The following MACROD2 variants were observed in gnomAD, a reference collection of about 807,000 sequenced individuals.
MACROD2 encodes the protein mono-ADP ribosylhydrolase 2, also known as ADP-ribose glycohydrolase MACROD2.
Under a neutral mutation model 70.4 loss-of-function variants are expected in MACROD2, and 36 were observed. The ratio of observed to expected loss-of-function variants is 0.51; its 90% CI spans 0.39 to 0.68. MACROD2 has a LOEUF of 0.68. MACROD2 is among the 30% of genes least tolerant of loss of function. The pLI is 0.00. For missense variants in MACROD2, 496 were observed against 538.4 expected (o/e 0.92, Z 0.78); for synonymous variants, 172 against 178.8 (o/e 0.96, Z 0.30).
intron 5 of MACROD2, among the ~76,000 whole-genome samples, chr20:14,786,112 A>G (rs1258730775): frequency 6.6e-6 from 1 of 151,926 alleles, no homozygotes; most frequent in African/African-American, 2.4e-5. Context: ...TTGGGTTGCA[A>G]AAGAGTAGTG....
chr20:14,725,764 A>T (rs1229413298), intron 5 of MACROD2, among the ~76,000 whole-genome samples: 4 of 152,162 alleles, frequency 2.6e-5, no homozygotes, highest in African/African-American at 9.7e-5. Flanking sequence ...GAGGGTGAGG[A>T]CATAGATGTA....
At chr20:15,271,117 G>A (rs1412339371) in intron 6 of MACROD2, among the ~76,000 whole-genome samples, 1 of 152,166 alleles carries the variant, frequency 6.6e-6, no homozygotes, top group Non-Finnish European at 1.5e-5. Flanking sequence ...TGCTGTAACA[G>A]AATACCATAA....
In MACROD2 at chr20:15,967,626, C is replaced by T. The variant is rs766188326; in HGVS notation, c.981C>T (p.Pro327=). The T allele has an allele frequency of 4.6e-5, 74 of 1,591,934 alleles. No individual in the cohort carries two copies. Among genetic ancestry groups the T allele is most frequent in the African/African-American group, 1.4e-4 (10 of 72,968 alleles). Residue 327 remains proline (P), a synonymous_variant, in exon 13 of 18, where the codon CCC becomes CCT. Transcript: ENST00000684519. ...TDHSVRDQDH[P]DGQENDSTKN... Reference sequence around the variant, plus strand: ...ATTCTGTGCGTGACCAAGATCATCCCGATGGTAGGTTGTGAAATCCTTTAT... The same window carrying T: ...ATTCTGTGCGTGACCAAGATCATCCTGATGGTAGGTTGTGAAATCCTTTAT...
intron 3 of MACROD2, among the ~76,000 whole-genome samples, chr20:14,475,226 A>G (rs1422198960): frequency 6.6e-6 from 1 of 152,156 alleles, no homozygotes; most frequent in Non-Finnish European, 1.5e-5. Context: ...AAAGAAAAGA[A>G]TCACACAAAA....
intron 3 of MACROD2, among the ~76,000 whole-genome samples, chr20:14,318,343 G>C (rs745868555): frequency 6.6e-6 from 1 of 152,128 alleles, no homozygotes; most frequent in African/African-American, 2.4e-5. Flanking sequence ...GTGGCTGCAT[G>C]CTTCCTTTTG....
At chr20:14,977,070 A>T (rs1042074393) in intron 5 of MACROD2, among the ~76,000 whole-genome samples, 1 of 152,146 alleles carries the variant, frequency 6.6e-6, no homozygotes, top group African/African-American at 2.4e-5. Context: ...GAAAATGCAA[A>T]AACAGGGTTT....
At chr20:15,324,057 T>C (rs942911017) in intron 6 of MACROD2, among the ~76,000 whole-genome samples, 1 of 152,176 alleles carries the variant, frequency 6.6e-6, no homozygotes. Context: ...CAATGAATTG[T>C]ACCAATGCTC....
Position 14,002,268 on chromosome 20 carries a change from T to G in MACROD2, c.47-20T>G. On this transcript the variant is annotated intron_variant, in intron 1 of 17. Transcript: ENST00000684519. ...TTTAAACGTTAAATACAAATGGAGA[T>G]TCTGCTTTTATTTTGCAAGAACGTT... is the stretch of plus-strand genomic sequence containing the variant. The G allele has an allele frequency of 6.9e-7, 1 of 1,456,744 alleles. No individual in the cohort carries two copies. Among genetic ancestry groups the G allele is most frequent in the Non-Finnish European group, 9.5e-7 (1 of 1,057,768 alleles). 90.2% of individuals were successfully genotyped at this position (1,456,744 alleles called of 1,614,324 possible).
intron 5 of MACROD2, among the ~76,000 whole-genome samples, chr20:15,210,674 G>C (rs2076755589): frequency 6.6e-6 from 1 of 151,152 alleles, no homozygotes; most frequent in East Asian, 1.9e-4. Context: ...GGTGAGAGCT[G>C]TTTAGATCAT....
At chr20:14,593,711 C>T (rs774179887) in intron 4 of MACROD2, among the ~76,000 whole-genome samples, 2 of 152,114 alleles carry the variant, frequency 1.3e-5, no homozygotes, top group Non-Finnish European at 2.9e-5. Context: ...ACTACTTCTA[C>T]TAATATTAAC....
At chr20:15,716,755 C>T (rs1052978666) in intron 8 of MACROD2, among the ~76,000 whole-genome samples, 3 of 152,076 alleles carry the variant, frequency 2.0e-5, no homozygotes, top group Non-Finnish European at 4.4e-5. Context: ...TTCTGAGCAC[C>T]ACTTTTGGAG....
intron 5 of MACROD2, among the ~76,000 whole-genome samples, chr20:14,722,606 T>C (rs2071482855): frequency 6.6e-6 from 1 of 152,210 alleles, no homozygotes; most frequent in Non-Finnish European, 1.5e-5. Flanking sequence ...AATTCTATAA[T>C]CATTATTTGC....
chr20:14,784,132 G>T (rs144340107), intron 5 of MACROD2, among the ~76,000 whole-genome samples: 3 of 152,098 alleles, frequency 2.0e-5, no homozygotes, highest in Non-Finnish European at 4.4e-5. Context: ...ATCACATTGC[G>T]TAGACTGGAT....
intron 8 of MACROD2, among the ~76,000 whole-genome samples, chr20:15,504,551 A>T (rs1264958953): frequency 2.6e-5 from 4 of 152,200 alleles, no homozygotes; most frequent in Non-Finnish European, 5.9e-5. Context: ...CTCACAACAC[A>T]GAAGAGAAAT....
intron 8 of MACROD2, among the ~76,000 whole-genome samples, chr20:15,561,224 T>A (rs890455313): frequency 6.6e-6 from 1 of 152,258 alleles, no homozygotes; most frequent in Non-Finnish European, 1.5e-5. Context: ...AAATTGGGCT[T>A]GCTGTCATTA....
intron 8 of MACROD2, among the ~76,000 whole-genome samples, chr20:15,573,578 ACTC>A (rs779420887): frequency 6.6e-6 from 1 of 152,062 alleles, no homozygotes; most frequent in Non-Finnish European, 1.5e-5. Context: ...GAATTGTAAA[ACTC>A]AGCCAGATAA....
chr20:15,908,215 G>A (rs2065178219), intron 10 of MACROD2, among the ~76,000 whole-genome samples: 1 of 152,180 alleles, frequency 6.6e-6, no homozygotes, highest in African/African-American at 2.4e-5. Context: ...TCATTTAAGG[G>A]AGATTGGAGA....
intron 4 of MACROD2, among the ~76,000 whole-genome samples, chr20:14,676,958 T>G (rs2070869454): frequency 6.6e-6 from 1 of 152,166 alleles, no homozygotes; most frequent in East Asian, 1.9e-4. Context: ...CACTAAATGG[T>G]GCATTTAGTG....
At chr20:14,859,544 A>G (rs1780596591) in intron 5 of MACROD2, among the ~76,000 whole-genome samples, 1 of 152,148 alleles carries the variant, frequency 6.6e-6, no homozygotes, top group Non-Finnish European at 1.5e-5. Flanking sequence ...CAAAAGATAA[A>G]CACAATACTA....
Sources: allele counts gnomAD v4.1 joint callset (sites outside exome capture counted in the v4.1 genomes callset), GRCh38; gene constraint gnomAD v4.1.1; transcripts MANE v1.5; gene names NCBI Gene and HGNC (gene_info 2026-07-23, HGNC 2026-07-21).